The following AMOTL1 variants were observed in gnomAD, a reference collection of about 807,000 sequenced individuals.
AMOTL1 encodes angiomotin-like protein 1.
AMOTL1 carries 45 observed loss-of-function variants against 102.9 expected under a neutral mutation model. That is an observed-to-expected ratio of 0.44 (90% CI 0.34 to 0.56). AMOTL1 has a LOEUF of 0.56. Ranked by LOEUF, AMOTL1 falls within the 20% of genes least tolerant of loss-of-function variation. AMOTL1 has a pLI of 0.01. For synonymous variants in AMOTL1, 481 were observed against 484.7 expected (o/e 0.99, Z 0.10); for missense variants, 1,114 against 1,225.6 (o/e 0.91, Z 1.36).
chr11:94,847,415 GACTC>G (rs970140049), intron 6 of AMOTL1, among the ~76,000 whole-genome samples: 1 of 152,162 alleles, frequency 6.6e-6, no homozygotes, highest in African/African-American at 2.4e-5. Context: ...ACATAATAGA[GACTC>G]ACTCATTCAT....
chr11:94,809,842 C>T (rs1951639642), intron 3 of AMOTL1, among the ~76,000 whole-genome samples: 1 of 141,620 alleles, frequency 7.1e-6, no homozygotes, highest in Non-Finnish European at 1.5e-5. Context: ...AAGCATTTGG[C>T]TCAAAGTCTG....
Position 94,869,330 on chromosome 11 carries a change from A to G in AMOTL1, c.2621A>G (p.Asp874Gly), listed in dbSNP as rs377624377. The G allele has an allele frequency of 6.2e-7, 1 of 1,612,436 alleles. No individual in the cohort carries two copies. Among genetic ancestry groups the G allele is most frequent in the African/African-American group, 1.3e-5 (1 of 74,868 alleles). The change falls in exon 12 of 13, where the codon GAC becomes GGC. Residue 874 changes from aspartate (D) to glycine (G), a missense_variant. Asp to Gly is a moderately conservative substitution (Grantham distance 94). Transcript: ENST00000433060. ...GCCCACGCCAAGACAGGCAGCAAGGACAGCAGCACACAGACTGACAAGAGT... is the reference window on the plus strand; with the variant it reads ...GCCCACGCCAAGACAGGCAGCAAGGGCAGCAGCACACAGACTGACAAGAGT... ...SSAHAKTGSK[D>G]SSTQTDKSAE...
chr11:94,767,260 G>A (rs1011471168), upstream of AMOTL1, among the ~76,000 whole-genome samples: 2 of 152,110 alleles, frequency 1.3e-5, no homozygotes, highest in Non-Finnish European at 1.5e-5. Context: ...AATGGAGTAG[G>A]CATTTCATAA....
chr11:94,828,199 C>A (rs1270178384), intron 4 of AMOTL1, among the ~76,000 whole-genome samples: 3 of 152,192 alleles, frequency 2.0e-5, no homozygotes, highest in Non-Finnish European at 2.9e-5. Context: ...ATCTTCTAAG[C>A]TGTGAATGTT....
In AMOTL1 at chr11:94,780,352, A is replaced by G. The variant is rs181226491; in HGVS notation, c.49+11792A>G. Among the ~76,000 whole-genome samples the G allele has an allele frequency of 4.9e-3, 749 of 152,332 alleles. 14 individuals carry two copies. Among genetic ancestry groups the G allele is most frequent in the African/African-American group, 0.016 (669 of 41,574 alleles). ...GGAGACTTTGAAGAACCTTTTGACA[A>G]TACCATGTAGCCTTTTGTTTTGTTC... is the stretch of plus-strand genomic sequence containing the variant. On this transcript the variant is annotated intron_variant, in intron 1 of 12. Transcript: ENST00000433060.
At chr11:94,728,815 T>A in intron 1 of AMOTL1, 1 of 440,882 alleles carries the variant, frequency 2.3e-6, no homozygotes, top group Non-Finnish European at 3.8e-6. Flanking sequence ...GCCAAAGGAA[T>A]GAAATGAGCT....
intron 1 of AMOTL1, among the ~76,000 whole-genome samples, chr11:94,791,490 G>A (rs11828059): frequency 0.077 from 11,657 of 152,248 alleles, 833 homozygotes; most frequent in East Asian, 0.28. Flanking sequence ...GTTTGAAAGA[G>A]ATATCTAAAA....
intron 2 of AMOTL1, among the ~76,000 whole-genome samples, chr11:94,731,834 T>C (rs896912242): frequency 6.6e-6 from 1 of 152,314 alleles, no homozygotes; most frequent in East Asian, 1.9e-4. Flanking sequence ...CAACACTCCC[T>C]ACTCTGCCTT....
chr11:94,747,714 G>C (rs1352709184), intron 3 of AMOTL1, among the ~76,000 whole-genome samples: 1 of 152,184 alleles, frequency 6.6e-6, no homozygotes, highest in Non-Finnish European at 1.5e-5. Context: ...CAAATGTAGA[G>C]TTGTCAGAGG....
chr11:94,764,039 C>T (rs936699820), upstream of AMOTL1, among the ~76,000 whole-genome samples: 2 of 152,288 alleles, frequency 1.3e-5, no homozygotes, highest in East Asian at 3.9e-4. Context: ...AGCATGGCAG[C>T]GTATGCTTTC....
At chr11:94,794,954 C>T (rs1951338656) in intron 1 of AMOTL1, 57 bp from the exon 2 acceptor site, 9 of 1,528,362 alleles carry the variant, frequency 5.9e-6, no homozygotes, top group Non-Finnish European at 7.0e-6. Context: ...GTGAGTCACA[C>T]AGGAAGGAAG....
At chr11:94,786,323 G>A (rs1204027468) in intron 1 of AMOTL1, among the ~76,000 whole-genome samples, 2 of 152,104 alleles carry the variant, frequency 1.3e-5, no homozygotes, top group Admixed American at 1.3e-4. Flanking sequence ...GCATTCTCAC[G>A]GTGACTCTGT....
intron 3 of AMOTL1, among the ~76,000 whole-genome samples, chr11:94,805,522 T>C (rs569408252): frequency 2.6e-4 from 39 of 152,346 alleles, no homozygotes; most frequent in African/African-American, 9.1e-4. Flanking sequence ...TTGTATGTTT[T>C]AGGCAGTATC....
At chr11:94,863,926 C>A (rs552502183) in intron 9 of AMOTL1, among the ~76,000 whole-genome samples, 13 of 152,276 alleles carry the variant, frequency 8.5e-5, no homozygotes, top group Admixed American at 7.8e-4. Flanking sequence ...CTGAACTTGT[C>A]AAGGACAGTG....
chr11:94,747,568 AC>A (rs1429643063), intron 3 of AMOTL1, among the ~76,000 whole-genome samples: 2 of 152,098 alleles, frequency 1.3e-5, no homozygotes, highest in Non-Finnish European at 2.9e-5. Flanking sequence ...GTCTCCTCCT[AC>A]CCCCTTGTCC....
intron 1 of AMOTL1, among the ~76,000 whole-genome samples, chr11:94,774,258 A>G (rs1285871526): frequency 6.6e-6 from 1 of 152,230 alleles, no homozygotes; most frequent in African/African-American, 2.4e-5. Flanking sequence ...TGAATGAGAT[A>G]GAAGCTAGGA....
At chr11:94,741,607 ACT>A (rs953971004) in intron 3 of AMOTL1, among the ~76,000 whole-genome samples, 1 of 151,918 alleles carries the variant, frequency 6.6e-6, no homozygotes, top group Non-Finnish European at 1.5e-5. Context: ...GAACCGGGAC[ACT>A]CTTGTCAAGA....
At chr11:94,797,373 A>G (rs1565355578) in intron 2 of AMOTL1, among the ~76,000 whole-genome samples, 1 of 152,180 alleles carries the variant, frequency 6.6e-6, no homozygotes, top group Non-Finnish European at 1.5e-5. Flanking sequence ...TAAATTTTTT[A>G]TTTCATGGAG....
At chr11:94,734,613 C>A (rs1950408395) in intron 2 of AMOTL1, among the ~76,000 whole-genome samples, 1 of 152,170 alleles carries the variant, frequency 6.6e-6, no homozygotes, top group African/African-American at 2.4e-5. Context: ...GCTCAGGCAG[C>A]CTTAGCCCCT....
Sources: allele counts gnomAD v4.1 joint callset (sites outside exome capture counted in the v4.1 genomes callset), GRCh38; gene constraint gnomAD v4.1.1; transcripts MANE v1.5; gene names NCBI Gene and HGNC (gene_info 2026-07-23, HGNC 2026-07-21).